Variants in NUP98 observed in about 807,000 individuals in gnomAD.
NUP98 encodes nucleoporin 98 and 96 precursor.
NUP98 carries 26 observed loss-of-function variants against 191.9 expected under a neutral mutation model. The observed-to-expected ratio is 0.14, with a 90% CI of 0.10 to 0.19. The LOEUF is 0.19. NUP98 is among the 10% of genes least tolerant of loss of function. The pLI is 1.00. For synonymous variants in NUP98, 808 were observed against 778.4 expected (o/e 1.04, Z -0.63); for missense variants, 1,941 against 2,178.8 (o/e 0.89, Z 2.17).
chr11:3,771,645 T>G, intron 7 of NUP98, 103 bp downstream of exon 7: 1 of 951,696 alleles, frequency 1.1e-6, no homozygotes, highest in Non-Finnish European at 1.6e-6. Flanking sequence ...TATCCCTGAA[T>G]TATTATTTTT....
chr11:3,728,791 T>G (rs1338939524), intron 14 of NUP98, among the ~76,000 whole-genome samples: 1 of 152,088 alleles, frequency 6.6e-6, no homozygotes, highest in African/African-American at 2.4e-5. Flanking sequence ...GAGTATATTG[T>G]GGTAATTCAG....
intron 15 of NUP98, among the ~76,000 whole-genome samples, chr11:3,724,684 A>G (rs974729454): frequency 2.0e-5 from 3 of 149,216 alleles, no homozygotes; most frequent in African/African-American, 7.4e-5. Flanking sequence ...TCCCAGCTAC[A>G]TGGGAGGGTG....
At chr11:3,760,753 A>C in intron 9 of NUP98, 127 bp from the exon 10 acceptor site, 1 of 645,460 alleles carries the variant, frequency 1.5e-6, no homozygotes, top group Non-Finnish European at 2.6e-6. Flanking sequence ...ATTCATAAAA[A>C]AGGTAGAAAA....
intron 14 of NUP98, among the ~76,000 whole-genome samples, chr11:3,728,117 TGAG>T (rs769127634): frequency 5.9e-5 from 9 of 152,116 alleles, no homozygotes; most frequent in African/African-American, 9.7e-5. Flanking sequence ...TATGGATATA[TGAG>T]GAGAAGTGTT....
At chr11:3,740,252 T>C (rs1374531433) in intron 12 of NUP98, among the ~76,000 whole-genome samples, 1 of 152,156 alleles carries the variant, frequency 6.6e-6, no homozygotes, top group African/African-American at 2.4e-5. Flanking sequence ...GGCTCACACC[T>C]GTAACCCCAG....
chr11:3,740,127 G>A (rs576090761), intron 12 of NUP98, among the ~76,000 whole-genome samples: 10 of 152,212 alleles, frequency 6.6e-5, no homozygotes, highest in East Asian at 5.8e-4. Context: ...CAAATGACGC[G>A]TATCTACCTT....
intron 6 of NUP98, among the ~76,000 whole-genome samples, chr11:3,772,371 G>A (rs2081557296): frequency 6.6e-6 from 1 of 152,170 alleles, no homozygotes; most frequent in African/African-American, 2.4e-5. Context: ...AATAAAGTAA[G>A]CATAGTTTGG....
chr11:3,774,222 A>AC (rs1275228662), intron 5 of NUP98, among the ~76,000 whole-genome samples: 4 of 150,882 alleles, frequency 2.7e-5, no homozygotes, highest in Admixed American at 6.7e-5. Flanking sequence ...ATATGGTGAA[A>AC]CCCCGTCTCT....
At chr11:3,788,732 A>G (rs1260073410) in intron 1 of NUP98, among the ~76,000 whole-genome samples, 1 of 152,202 alleles carries the variant, frequency 6.6e-6, no homozygotes. Context: ...GGATCACCTG[A>G]GGTCGGGAGT....
chr11:3,727,172 G>GT (rs2079651846), intron 14 of NUP98, among the ~76,000 whole-genome samples: 1 of 152,126 alleles, frequency 6.6e-6, no homozygotes, highest in African/African-American at 2.4e-5. Flanking sequence ...TAGGGACGCT[G>GT]TAAGAAAAAA....
chr11:3,716,569 C>T (rs1167063395), intron 18 of NUP98, among the ~76,000 whole-genome samples: 2 of 151,840 alleles, frequency 1.3e-5, no homozygotes, highest in Non-Finnish European at 2.9e-5. Context: ...ATTAGCCGGG[C>T]GTGGTGGTGC....
At chr11:3,679,796 G>A in intron 30 of NUP98, 88 bp from the exon 31 acceptor site, 2 of 1,324,180 alleles carry the variant, frequency 1.5e-6, no homozygotes, top group Non-Finnish European at 2.1e-6. Context: ...CAGAAAGGAA[G>A]GAGAAATAAT....
intron 28 of NUP98, among the ~76,000 whole-genome samples, chr11:3,687,406 A>C (rs1315547110): frequency 6.6e-6 from 1 of 152,032 alleles, no homozygotes; most frequent in Non-Finnish European, 1.5e-5. Context: ...CAATTTACCA[A>C]TTTTTTTCTC....
chr11:3,780,950 T>A (rs1429348397), intron 2 of NUP98, among the ~76,000 whole-genome samples: 1 of 151,418 alleles, frequency 6.6e-6, no homozygotes, highest in Non-Finnish European at 1.5e-5. Context: ...CATGGTGCCA[T>A]ACACCTGTCA....
At position 3,718,842 on chromosome 11, in the gene NUP98, G is replaced by A. The variant is rs576957297; in HGVS notation, c.2399+570C>T. Among the ~76,000 whole-genome samples the A allele has an allele frequency of 6.6e-5, 10 of 152,114 alleles. No homozygotes were observed. In the South Asian group the frequency reaches 2.1e-3, roughly 32 times the overall value. ...TGGACCCAATAAAATCAGGGAGGCT[G>A]GGCAGCGTGGCTCACACCTGTAATC... On this transcript the variant is annotated intron_variant, in intron 18 of 32. Transcript: ENST00000324932.
At chr11:3,771,165 T>C (rs1392793412) in intron 7 of NUP98, among the ~76,000 whole-genome samples, 2 of 152,130 alleles carry the variant, frequency 1.3e-5, no homozygotes, top group Admixed American at 6.6e-5. Context: ...ACTTGGCCTC[T>C]TTTCCATCCT....
At chr11:3,738,545 G>A (rs577541655) in intron 12 of NUP98, among the ~76,000 whole-genome samples, 23 of 152,208 alleles carry the variant, frequency 1.5e-4, no homozygotes, top group African/African-American at 4.1e-4. Flanking sequence ...TTGGGAAGCT[G>A]AGCAAGCAGA....
Position 3,739,265 on chromosome 11 carries a change from T to G in NUP98, c.1409-3941A>C, listed in dbSNP as rs1186888530. 2.6e-5 allele frequency among the ~76,000 whole-genome samples: 4 copies of G among 152,210 alleles called. No individual in the cohort carries two copies. The East Asian group carries it at 7.7e-4, about 29-fold the overall frequency. On this transcript the variant is annotated intron_variant, in intron 12 of 32. Coordinates refer to ENST00000324932, the MANE Select transcript of NUP98 (RefSeq NM_016320.5). ...AAAATAAAATTAAAACAATTTTTTT[T>G]TTGAGACAGAGTCTTGCTGTGTCAC... is the stretch of plus-strand genomic sequence containing the variant.
intron 7 of NUP98, among the ~76,000 whole-genome samples, chr11:3,769,587 A>C (rs895281417): frequency 2.0e-5 from 3 of 151,468 alleles, no homozygotes; most frequent in Non-Finnish European, 4.4e-5. Context: ...AAAAAAAAAA[A>C]AAAAAAAAAA....
Sources: allele counts gnomAD v4.1 joint callset (sites outside exome capture counted in the v4.1 genomes callset), GRCh38; gene constraint gnomAD v4.1.1; transcripts MANE v1.5; gene names NCBI Gene and HGNC (gene_info 2026-07-23, HGNC 2026-07-21).